The following ATR variants were observed in gnomAD, a reference collection of about 807,000 sequenced individuals.
ATR encodes the protein serine/threonine-protein kinase ATR.
In ATR, 142 loss-of-function variants were observed where a neutral mutation model predicts 305.3. That is an observed-to-expected ratio of 0.47 (90% CI 0.41 to 0.53). The LOEUF is 0.53. Among genes scored for constraint, ATR ranks in the 20% least tolerant of loss-of-function variants. The probability of loss-of-function intolerance (pLI) is 0.00; values close to 1 mark genes in which losing one functional copy is unlikely to be tolerated. For synonymous variants in ATR, 1,050 were observed against 1,068.1 expected, an observed-to-expected ratio of 0.98 and a Z score of 0.33; for missense variants, 2,135 against 3,133.1, an observed-to-expected ratio of 0.68 and a Z score of 7.60.
Position 142,470,141 on chromosome 3 carries a change from T to C in ATR, c.6264A>G (p.Pro2088=). ...YGNQFIYQSM[P]RMLTLWLDYG... ...AATCAAGCCATAGAGTTAACATTCGTGGCATTGACTGATATATGAACTGAT... is the reference window on the plus strand; with the variant it reads ...AATCAAGCCATAGAGTTAACATTCGCGGCATTGACTGATATATGAACTGAT... The change falls in exon 37 of 47, where the codon CCA becomes CCG. Residue 2088 remains proline (P), a synonymous_variant. Coordinates refer to ENST00000350721, the MANE Select transcript of ATR (RefSeq NM_001184.4). 6.2e-7 allele frequency: 1 copy of C among 1,610,982 alleles called. No individual in the cohort carries two copies. Among genetic ancestry groups the C allele is most frequent in the Non-Finnish European group, 8.5e-7 (1 of 1,178,102 alleles).
intron 23 of ATR, among the ~76,000 whole-genome samples, chr3:142,520,959 A>G (rs1298715262): frequency 6.6e-6 from 1 of 152,194 alleles, no homozygotes; most frequent in Non-Finnish European, 1.5e-5. Context: ...TTCAAAGGAC[A>G]GGTTAATAAC....
intron 27 of ATR, among the ~76,000 whole-genome samples, chr3:142,511,220 A>AC (rs199710072): frequency 3.9e-4 from 59 of 152,222 alleles, no homozygotes; most frequent in Non-Finnish European, 6.0e-4. Context: ...ACACACACAC[A>AC]AAAACTGAGG....
chr3:142,557,592 A>T (rs1463990818), intron 8 of ATR, among the ~76,000 whole-genome samples: 2 of 152,242 alleles, frequency 1.3e-5, no homozygotes, highest in African/African-American at 4.8e-5. Context: ...CACCAAATTC[A>T]GAACAGTAGT....
At chr3:142,566,892 T>C (rs2035093970) in intron 2 of ATR, among the ~76,000 whole-genome samples, 1 of 151,984 alleles carries the variant, frequency 6.6e-6, no homozygotes, top group Non-Finnish European at 1.5e-5. Context: ...TACAGGTGTG[T>C]GCCACCACAC....
Position 142,520,720 on chromosome 3 carries a change from C to CA in ATR, c.4267-937dup, listed in dbSNP as rs200152221. ...AACTCAAGGGGCGCTTCTTAAAAAA[C>CA]AAAAAAAAACCCAAAAAGTTTGAAG... is the stretch of plus-strand genomic sequence containing the variant. On this transcript the variant is annotated intron_variant, in intron 23 of 46. Transcript: ENST00000350721. Among the ~76,000 whole-genome samples the CA allele has an allele frequency of 4.1e-3, 616 of 150,100 alleles. 5 individuals carry two copies. The highest frequency in any genetic ancestry group is 0.013 in the African/African-American group (533 of 40,986).
At chr3:142,484,107 T>C (rs929798021) in intron 36 of ATR, among the ~76,000 whole-genome samples, 4 of 152,232 alleles carry the variant, frequency 2.6e-5, no homozygotes, top group Non-Finnish European at 4.4e-5. Flanking sequence ...GGAAACAGAA[T>C]CTCTCTCTAT....
chr3:142,477,195 A>G (rs988885240), intron 36 of ATR, among the ~76,000 whole-genome samples: 4 of 150,682 alleles, frequency 2.7e-5, no homozygotes, highest in Non-Finnish European at 5.9e-5. Flanking sequence ...GAATGCTTCC[A>G]GTTTTTGCCC....
intron 36 of ATR, chr3:142,472,223 T>C (rs957813818): frequency 7.9e-5 from 12 of 152,140 alleles, no homozygotes; most frequent in African/African-American, 2.9e-4. Flanking sequence ...GATGCTGCAA[T>C]GAACATGGGA....
rs2070792466 is a variant in ATR at position 142,451,643 on chromosome 3, C to T, written c.7761+1485G>A. 6.5e-6 allele frequency: 8 copies of T among 1,231,142 alleles called. No individual in the cohort carries two copies. In the South Asian group the frequency reaches 1.2e-4, roughly 19 times the overall value. The allele number at this position is 1,231,142 out of a possible 1,614,324, so 76.3% of individuals were successfully genotyped here. A position where few individuals can be genotyped will look rare whatever the true frequency, so the allele number is the denominator to read the frequency against. ...TGCCCAGGCTGGAGTGCAGTGGTGT[C>T]ATCATAGCTCACAGCAGCCTCCAAC... On this transcript the variant is annotated intron_variant, in intron 46 of 46. Coordinates refer to ENST00000350721, the MANE Select transcript of ATR (RefSeq NM_001184.4).
In ATR at chr3:142,469,509, G is replaced by T. The variant is rs2108279431; in HGVS notation, c.6380C>A (p.Thr2127Lys). 6.2e-7 allele frequency: 1 copy of T among 1,613,910 alleles called. No individual in the cohort carries two copies. Among genetic ancestry groups the T allele is most frequent in the African/African-American group, 1.3e-5 (1 of 75,034 alleles). The change falls in exon 38 of 47, where the codon ACA (threonine) becomes AAA (lysine). Residue 2127 changes from threonine to lysine, a missense_variant. By Grantham distance (78) the Thr-to-Lys change is moderately conservative. Around this residue, in one of 9 missense-constraint regions of ATR, gnomAD observed 462 missense variants for 887.6 expected, o/e 0.52. Coordinates refer to ENST00000350721, the MANE Select transcript of ATR (RefSeq NM_001184.4). ...TGGAGCTAAATAGTTTGTATGCTCT[G>T]TGATAACCTTGTTTATTTTACCCAA... ...NDLGKINKVI[T>K]EHTNYLAPYQ...
intron 30 of ATR, among the ~76,000 whole-genome samples, chr3:142,502,908 T>G (rs2032049659): frequency 6.6e-6 from 1 of 152,252 alleles, no homozygotes; most frequent in Non-Finnish European, 1.5e-5. Flanking sequence ...TTTGATTTTC[T>G]ACAATAAACC....
chr3:142,476,013 G>T (rs550531545), intron 36 of ATR, among the ~76,000 whole-genome samples: 1 of 152,298 alleles, frequency 6.6e-6, no homozygotes, highest in Admixed American at 6.5e-5. Context: ...CAGATGAGTA[G>T]ATTGCAAAAA....
intron 23 of ATR, among the ~76,000 whole-genome samples, chr3:142,520,322 A>G (rs1388544577): frequency 6.6e-6 from 1 of 152,164 alleles, no homozygotes; most frequent in East Asian, 1.9e-4. Context: ...AAGTATACAT[A>G]TGAAAGGAGG....
At chr3:142,481,632 G>C (rs1383331345) in intron 36 of ATR, among the ~76,000 whole-genome samples, 2 of 151,966 alleles carry the variant, frequency 1.3e-5, no homozygotes, top group Admixed American at 6.6e-5. Context: ...CTGGGACCAT[G>C]GTTGTACACC....
chr3:142,570,450 G>A (rs2035223105), intron 1 of ATR, among the ~76,000 whole-genome samples: 2 of 152,070 alleles, frequency 1.3e-5, no homozygotes, highest in African/African-American at 2.4e-5. Flanking sequence ...GCAATGGCGC[G>A]ATCTCAGCTC....
chr3:142,504,648 G>A (rs1416065286), intron 29 of ATR, among the ~76,000 whole-genome samples: 1 of 151,942 alleles, frequency 6.6e-6, no homozygotes, highest in East Asian at 1.9e-4. Context: ...ATTTTTGGTA[G>A]AGACAGGGTT....
chr3:142,542,736 A>C lies in ATR; in HGVS notation c.3379T>G (p.Leu1127Val). The change falls in exon 17 of 47, where the codon TTG (leucine) becomes GTG (valine). Residue 1127 changes from leucine (L) to valine (V), a missense_variant. Leu to Val is a conservative substitution (Grantham distance 32). This residue lies in a region of ATR where 530 missense variants were observed against 766.8 expected (regional missense o/e 0.69). Transcript: ENST00000350721. The stretch of plus-strand genomic sequence containing the variant: ...TTAAAAAAAGCCAAAATGCCCAACA[A>C]TTTGGGTTGTAAATAATCAGCCTAA... ...ELMADYLQPK[L>V]LGILAFFNMQ... is the part of the protein sequence containing the mutation. 1 of 1,612,712 alleles carries C rather than the reference A, an allele frequency of 6.2e-7. No homozygotes were observed. Among genetic ancestry groups the C allele is most frequent in the Non-Finnish European group, 8.5e-7 (1 of 1,179,080 alleles).
Position 142,493,225 on chromosome 3 carries a change from G to A in ATR, c.5985C>T (p.Asn1995=). ...GCATAGCTCGACCATGGATTAACAT[G>A]TTCTTACCCTCAGGTGGGGTTTCAT... ...PENETPPEGK[N]MLIHGRAMLL... Residue 1995 remains asparagine (N), a synonymous_variant, in exon 35 of 47, where the codon AAC becomes AAT. Transcript: ENST00000350721. 2.5e-6 allele frequency: 4 copies of A among 1,613,890 alleles called. No individual in the cohort carries two copies. Among genetic ancestry groups the A allele is most frequent in the Non-Finnish European group, 2.5e-6 (3 of 1,179,924 alleles).
At chr3:142,462,372 T>C (rs570054287) in intron 41 of ATR, among the ~76,000 whole-genome samples, 1 of 152,322 alleles carries the variant, frequency 6.6e-6, no homozygotes, top group East Asian at 1.9e-4. Context: ...ATTTAAGTTG[T>C]ATATTTAACA....
Sources: gnomAD v4.1 joint callset for allele counts (sites outside exome capture counted in the v4.1 genomes callset) on GRCh38, gnomAD v4.1.1 for gene constraint, gnomAD v4.1.1 regional missense constraint, MANE v1.5 for transcripts, NCBI Gene and HGNC (gene_info 2026-07-23, HGNC 2026-07-21) for gene names.